Variants in TGIF1 observed in about 807,000 individuals in gnomAD.
The protein encoded by TGIF1 is homeobox protein TGIF1.
Under a neutral mutation model 19.3 loss-of-function variants are expected in TGIF1, and 4 were observed. The ratio of observed to expected loss-of-function variants is 0.21; its 90% CI spans 0.10 to 0.47. The LOEUF (loss-of-function observed/expected upper bound fraction) is 0.47, where lower values mean the gene tolerates loss of function less well. Among genes scored for constraint, TGIF1 ranks in the 20% least tolerant of loss-of-function variants. The pLI, the probability that TGIF1 is intolerant of heterozygous loss-of-function variation, is 0.98. For synonymous variants in TGIF1, 122 were observed against 129.3 expected (o/e 0.94, Z 0.38); for missense variants, 275 against 341.4 (o/e 0.81, Z 1.53).
At chr18:3,445,815 T>G (rs978587090), upstream of TGIF1, among the ~76,000 whole-genome samples, 15 of 140,468 alleles carry the variant, frequency 1.1e-4, no homozygotes, top group Non-Finnish European at 2.0e-4. Flanking sequence ...GAGAGCTTCT[T>G]GTAAAACTGG....
At position 3,456,239 on chromosome 18, in the gene TGIF1, C is replaced by T. The variant is rs1388413855; in HGVS notation, c.17-115C>T. Reference sequence around the variant, plus strand: ...AGGACAGAAAACACTGCTCCTTCTCCTCGCTCTCAGTTGTTGGGAAAGCAT... The same window carrying T: ...AGGACAGAAAACACTGCTCCTTCTCTTCGCTCTCAGTTGTTGGGAAAGCAT... On this transcript the variant is annotated intron_variant, in intron 1 of 2. Coordinates refer to ENST00000343820, the MANE Select transcript of TGIF1 (RefSeq NM_003244.4). The surrounding 1 kb of genome is among the most constrained non-coding windows in gnomAD (Gnocchi z 4.2). 4.8e-6 allele frequency: 5 copies of T among 1,031,366 alleles called. No homozygotes were observed. The African/African-American group carries it at 7.8e-5, about 16-fold the overall frequency. The allele number at this position is 1,031,366 out of a possible 1,614,324, so 63.9% of individuals were successfully genotyped here.
chr18:3,423,961 A>G (rs2082438903), intron 2 of TGIF1, among the ~76,000 whole-genome samples: 1 of 152,164 alleles, frequency 6.6e-6, no homozygotes, highest in Non-Finnish European at 1.5e-5. Context: ...TCTTAAACTA[A>G]AGAGGGCAGC....
At chr18:3,438,024 C>T (rs542097428) in intron 2 of TGIF1, among the ~76,000 whole-genome samples, 8 of 151,850 alleles carry the variant, frequency 5.3e-5, no homozygotes, top group Admixed American at 5.3e-4. Context: ...GCAGAGGTTG[C>T]AGTGAGCCGA....
At chr18:3,423,532 T>C (rs557010804) in intron 2 of TGIF1, among the ~76,000 whole-genome samples, 198 of 151,878 alleles carry the variant, frequency 1.3e-3, no homozygotes, top group Non-Finnish European at 2.3e-3. Context: ...ATACAAAAAA[T>C]TAGCCGGGCT....
rs4747 is a variant in TGIF1, at chr18:3,457,799, G to C, written c.678G>C (p.Thr226=). The part of the protein sequence containing the change: ...PEDTCKSGPS[T]NTQSGLFNTP... ...ACACTTGTAAATCTGGACCAAGTACGAATACACAGAGTGGTCTTTTCAACA... is the reference window on the plus strand; with the variant it reads ...ACACTTGTAAATCTGGACCAAGTACCAATACACAGAGTGGTCTTTTCAACA... Residue 226 remains threonine (T), a synonymous_variant, in exon 3 of 3, where the codon ACG becomes ACC. Transcript: ENST00000343820. The surrounding 1 kb of genome is among the most constrained non-coding windows in gnomAD (Gnocchi z 4.9). 1.9e-6 allele frequency: 3 copies of C among 1,613,824 alleles called. No homozygotes were observed. The highest frequency in any genetic ancestry group is 2.5e-6 in the Non-Finnish European group (3 of 1,180,040).
At chr18:3,449,538 T>TGCCCCCCCCCC, upstream of TGIF1, 8 of 961,944 alleles carry the variant, frequency 8.3e-6, no homozygotes, top group Non-Finnish European at 9.8e-6. Flanking sequence ...GTCTCATCAT[T>TGCCCCCCCCCC]CCCCCCCGCC....
rs2082923782 is a variant in TGIF1, at chr18:3,451,457, CCG to C, written c.16+954_16+955del. 2.0e-6 allele frequency: 2 copies of C among 987,182 alleles called. No individual in the cohort carries two copies. The highest frequency in any genetic ancestry group is 2.4e-6 in the Non-Finnish European group (2 of 831,302). The allele number at this position is 987,182 out of a possible 1,614,324, so 61.2% of individuals were successfully genotyped here. ...CTGGCTGGGAGGTCCCCCGAGTGTT[CCG>C]CTGTGGGCTGGAGGTGGCGTTTCTG... On this transcript the variant is annotated intron_variant, in intron 1 of 2. Coordinates refer to ENST00000343820, the MANE Select transcript of TGIF1 (RefSeq NM_003244.4). This position sits in a 1 kb window ranked among gnomAD's most constrained non-coding sequence, Gnocchi z 5.4.
At chr18:3,438,750 C>CA (rs200679423) in intron 2 of TGIF1, among the ~76,000 whole-genome samples, 10 of 151,356 alleles carry the variant, frequency 6.6e-5, no homozygotes, top group Non-Finnish European at 1.3e-4. Flanking sequence ...TTTCCTGAAC[C>CA]AAAAAAAATC....
At chr18:3,418,112 G>C (rs1313382945) in intron 1 of TGIF1, 2 of 152,102 alleles carry the variant, frequency 1.3e-5, no homozygotes, top group African/African-American at 2.4e-5. Context: ...AAGTTACTCA[G>C]GGGTCCTGAT....
chr18:3,445,415 T>C (rs1480371385), upstream of TGIF1, among the ~76,000 whole-genome samples: 1 of 152,020 alleles, frequency 6.6e-6, no homozygotes, highest in South Asian at 2.1e-4. Context: ...TTTTCAGAAC[T>C]TTTTTTGTAG....
rs1356713423 is a variant in TGIF1, at chr18:3,456,026, G to T, written c.17-328G>T. Reference sequence around the variant, plus strand: ...ACCCTTCCTGTTTCAAATGTGGCAGGTTATTCATTTTGGGTGCAGTTTGTC... The same window carrying T: ...ACCCTTCCTGTTTCAAATGTGGCAGTTTATTCATTTTGGGTGCAGTTTGTC... On this transcript the variant is annotated intron_variant, in intron 1 of 2. Transcript: ENST00000343820. The surrounding 1 kb of genome is among the most constrained non-coding windows in gnomAD (Gnocchi z 4.2). The T allele has an allele frequency of 1.3e-5, 5 of 391,840 alleles. No individual in the cohort carries two copies. The highest frequency in any genetic ancestry group is 6.6e-5 in the South Asian group (3 of 45,334). 24.3% of individuals were successfully genotyped at this position (391,840 alleles called of 1,614,324 possible). A position where few individuals can be genotyped will look rare whatever the true frequency, so the allele number is the denominator to read the frequency against.
chr18:3,447,946 A>G (rs1245250035), upstream of TGIF1: 2 of 1,430,306 alleles, frequency 1.4e-6, no homozygotes, highest in Middle Eastern at 3.5e-4. Flanking sequence ...TGAGAATCGC[A>G]GTCATTAGCC....
At chr18:3,446,128 C>T (rs2082742942), upstream of TGIF1, among the ~76,000 whole-genome samples, 2 of 152,156 alleles carry the variant, frequency 1.3e-5, no homozygotes, top group African/African-American at 4.8e-5. Context: ...ATAATACAGA[C>T]ACAGATGTTG....
intron 2 of TGIF1, among the ~76,000 whole-genome samples, chr18:3,427,675 C>T (rs1300749455): frequency 4.0e-5 from 6 of 151,130 alleles, no homozygotes; most frequent in Non-Finnish European, 8.8e-5. Context: ...TCTCAGTTTA[C>T]TGCAACCTCC....
intron 2 of TGIF1, among the ~76,000 whole-genome samples, chr18:3,433,060 T>C (rs1163540916): frequency 6.6e-6 from 1 of 150,496 alleles, no homozygotes; most frequent in East Asian, 1.9e-4. Context: ...CGCCTGGCCT[T>C]CTTCTTCTTC....
At chr18:3,422,768 G>T (rs367866748) in intron 2 of TGIF1, among the ~76,000 whole-genome samples, 16 of 135,786 alleles carry the variant, frequency 1.2e-4, no homozygotes, top group African/African-American at 4.3e-4. Flanking sequence ...TCCGCTCACT[G>T]CAAGCTCCAC....
chr18:3,430,350 T>C (rs956946147), intron 2 of TGIF1, among the ~76,000 whole-genome samples: 1 of 152,210 alleles, frequency 6.6e-6, no homozygotes. Flanking sequence ...AATGCTATCC[T>C]TCTTTCTATA....
upstream of TGIF1, chr18:3,448,715 GTCTT>G (rs1414910067): frequency 4.0e-4 from 174 of 432,078 alleles, 2 homozygotes; most frequent in African/African-American, 1.2e-3. Context: ...GGGCGGGGGT[GTCTT>G]TTTTTTTTTT....
chr18:3,414,848 A>G (rs2082310899), intron 1 of TGIF1, among the ~76,000 whole-genome samples: 2 of 152,310 alleles, frequency 1.3e-5, no homozygotes, highest in African/African-American at 4.8e-5. Flanking sequence ...GTTCAAGGCC[A>G]GCCTGGGAAA....
Sources: allele counts gnomAD v4.1 joint callset (sites outside exome capture counted in the v4.1 genomes callset), GRCh38; gene constraint gnomAD v4.1.1; non-coding constraint Gnocchi (gnomAD v3.1); transcripts MANE v1.5; gene names NCBI Gene and HGNC (gene_info 2026-07-23, HGNC 2026-07-21).